The following PIP4P2 variants were observed in gnomAD, a reference collection of about 807,000 sequenced individuals.
PIP4P2 encodes type 2 phosphatidylinositol 4,5-bisphosphate 4-phosphatase.
A neutral mutation model predicts 33.3 loss-of-function variants in PIP4P2; 19 were observed. The observed-to-expected ratio is 0.57, with a 90% CI of 0.40 to 0.84. The LOEUF is 0.84. Among genes scored for constraint, PIP4P2 ranks in the 40% least tolerant of loss-of-function variants. The pLI is 0.00. For synonymous variants in PIP4P2, 110 were observed against 111.9 expected (o/e 0.98, Z 0.11); for missense variants, 270 against 324.7 (o/e 0.83, Z 1.29).
intron 4 of PIP4P2, among the ~76,000 whole-genome samples, chr8:91,014,281 G>C (rs1401359184): frequency 6.6e-6 from 1 of 152,070 alleles, no homozygotes; most frequent in Non-Finnish European, 1.5e-5. Context: ...GATAAAGCAG[G>C]AGTATCACAA....
At chr8:91,030,721 TAC>T (rs1812151393) in intron 1 of PIP4P2, among the ~76,000 whole-genome samples, 1 of 152,190 alleles carries the variant, frequency 6.6e-6, no homozygotes, top group Non-Finnish European at 1.5e-5. Flanking sequence ...ACAGGTAATA[TAC>T]ACATATACAT....
At position 91,031,235 on chromosome 8, in the gene PIP4P2, T is replaced by C. The variant is rs115128131; in HGVS notation, c.106+9409A>G. Among the ~76,000 whole-genome samples the C allele has an allele frequency of 2.9e-3, 445 of 152,302 alleles. 2 individuals are homozygous for C. The highest frequency in any genetic ancestry group is 0.01 in the African/African-American group (436 of 41,554). ...TCTATAAACTTGGAAAATGCTTTTG[T>C]TACAAAACTTTAAAATAACTTTATA... On this transcript the variant is annotated intron_variant, in intron 1 of 6. Coordinates refer to ENST00000285419, the MANE Select transcript of PIP4P2 (RefSeq NM_018710.3).
chr8:91,009,289 T>C (rs1811801122), intron 4 of PIP4P2, among the ~76,000 whole-genome samples: 2 of 152,064 alleles, frequency 1.3e-5, no homozygotes, highest in South Asian at 2.1e-4. Context: ...TCATTGCTTA[T>C]ACAATATAAC....
chr8:91,032,562 T>C (rs957880402), intron 1 of PIP4P2, among the ~76,000 whole-genome samples: 5 of 151,926 alleles, frequency 3.3e-5, no homozygotes, highest in African/African-American at 4.8e-5. Flanking sequence ...GGGTGGATCA[T>C]TTGAGGTCAG....
In PIP4P2 at chr8:91,032,780, CAAA is replaced by C. The variant is rs34482470; in HGVS notation, c.106+7861_106+7863del. The stretch of plus-strand genomic sequence containing the variant: ...TGGGCAACAGAGTGAGAGTCTGTCT[CAAA>C]AAAAAAAAAAAAAAAAAAGAAAGAA... On this transcript the variant is annotated intron_variant, in intron 1 of 6. Coordinates refer to ENST00000285419, the MANE Select transcript of PIP4P2 (RefSeq NM_018710.3). 1.7e-3 allele frequency among the ~76,000 whole-genome samples: 169 copies of C among 98,738 alleles called. No homozygotes were observed. In the East Asian group the frequency reaches 0.021, roughly 12 times the overall value. The allele number at this position is 98,738 out of a possible 152,430, so 64.8% of individuals were successfully genotyped here.
intron 1 of PIP4P2, among the ~76,000 whole-genome samples, chr8:91,030,780 A>C (rs1020006166): frequency 1.3e-5 from 2 of 152,204 alleles, no homozygotes; most frequent in African/African-American, 4.8e-5. Flanking sequence ...ATGACTTATA[A>C]ACTATTCTTC....
At chr8:90,999,548 G>C (rs533625089) in intron 5 of PIP4P2, among the ~76,000 whole-genome samples, 2 of 151,922 alleles carry the variant, frequency 1.3e-5, no homozygotes, top group Non-Finnish European at 2.9e-5. Context: ...CATCACTTTT[G>C]TTCACATTCC....
chr8:91,013,956 T>A (rs1021666930), intron 4 of PIP4P2, among the ~76,000 whole-genome samples: 1 of 152,196 alleles, frequency 6.6e-6, no homozygotes, highest in Non-Finnish European at 1.5e-5. Context: ...CATATCCTAC[T>A]AAATCAGAAA....
In PIP4P2 at chr8:90,994,617, CTTT is replaced by C. The variant is rs1811604462; in HGVS notation, c.*1057_*1059del. 1 of 152,410 alleles carries C rather than the reference CTTT, an allele frequency of 6.6e-6. No homozygotes were observed. The allele number at this position is 152,410 out of a possible 1,614,324, so 9.4% of individuals were successfully genotyped here. ...TGAATTCTTAGAAAATTATGTTGTT[CTTT>C]ATTTCTGATCTATTTTCTTGAATAA... On this transcript the variant is annotated 3_prime_UTR_variant, in exon 7 of 7. Coordinates refer to ENST00000285419, the MANE Select transcript of PIP4P2 (RefSeq NM_018710.3).
intron 1 of PIP4P2, among the ~76,000 whole-genome samples, chr8:91,021,852 T>C (rs1173977809): frequency 4.6e-5 from 7 of 152,184 alleles, no homozygotes; most frequent in Non-Finnish European, 7.3e-5. Flanking sequence ...GCTGTCATGC[T>C]CTGTCTTTAT....
chr8:91,022,896 G>C (rs1412029644), intron 1 of PIP4P2, among the ~76,000 whole-genome samples: 1 of 152,112 alleles, frequency 6.6e-6, no homozygotes, highest in Admixed American at 6.6e-5. Context: ...TTATGTTTCT[G>C]GGAGGCTTAT....
Position 90,995,732 on chromosome 8 carries a change from C to T in PIP4P2, c.719G>A (p.Arg240Gln), listed in dbSNP as rs760280663. 1.2e-5 allele frequency: 20 copies of T among 1,613,228 alleles called. No homozygotes were observed. Among genetic ancestry groups the T allele is most frequent in the Non-Finnish European group, 1.5e-5 (18 of 1,179,572 alleles). Residue 240 changes from arginine (R) to glutamine (Q), a missense_variant, in exon 7 of 7, where the codon CGA (arginine) becomes CAA (glutamine). Arg to Gln is a conservative substitution (Grantham distance 43). Coordinates refer to ENST00000285419, the MANE Select transcript of PIP4P2 (RefSeq NM_018710.3). ...AYLLGLICLI[R>Q]ACYWGAIRVS... ...TCTTATGGCTCCCCAATAACAAGCT[C>T]GGATAAGGCAGATCAATCCTAGGAG...
chr8:90,995,916 T>C (rs1811622893), intron 6 of PIP4P2, 96 bp from the exon 7 acceptor site: 3 of 1,347,264 alleles, frequency 2.2e-6, no homozygotes, highest in Non-Finnish European at 3.0e-6. Context: ...TGTTATGAAA[T>C]ATACCCCCAG....
At chr8:91,031,926 G>A (rs538559977) in intron 1 of PIP4P2, among the ~76,000 whole-genome samples, 2 of 151,504 alleles carry the variant, frequency 1.3e-5, no homozygotes, top group East Asian at 3.9e-4. Flanking sequence ...AAAAGCCAAA[G>A]GTAAATTTAT....
At chr8:91,023,869 C>G (rs191482096) in intron 1 of PIP4P2, among the ~76,000 whole-genome samples, 12 of 151,920 alleles carry the variant, frequency 7.9e-5, no homozygotes, top group African/African-American at 2.7e-4. Context: ...AAAATAACAC[C>G]AAGTATTAGG....
chr8:90,999,652 A>G (rs1308088351), intron 5 of PIP4P2, among the ~76,000 whole-genome samples: 1 of 152,090 alleles, frequency 6.6e-6, no homozygotes, highest in Non-Finnish European at 1.5e-5. Flanking sequence ...GAGGTCTACT[A>G]ATAAAAGGAA....
intron 1 of PIP4P2, among the ~76,000 whole-genome samples, chr8:91,039,411 T>C (rs373816397): frequency 3.3e-5 from 5 of 152,306 alleles, no homozygotes; most frequent in African/African-American, 1.2e-4. Context: ...TTTCCTTTGT[T>C]TTTCTTCTTG....
chr8:91,040,622 G>C lies in PIP4P2; in HGVS notation c.106+22C>G, dbSNP rs191234742. ...TGCAAATCTACTTCCTTGCAAAGTA[G>C]AGGGATCTACGCTGGCCTTACCTCT... is the stretch of plus-strand genomic sequence containing the variant. On this transcript the variant is annotated intron_variant, in intron 1 of 6. Transcript: ENST00000285419. 3.0e-5 allele frequency: 48 copies of C among 1,613,024 alleles called. No individual in the cohort carries two copies. In the African/African-American group the frequency reaches 6.0e-4, roughly 20 times the overall value.
intron 4 of PIP4P2, among the ~76,000 whole-genome samples, chr8:91,010,145 T>C (rs527699241): frequency 1.5e-3 from 225 of 152,074 alleles, no homozygotes; most frequent in Middle Eastern, 6.8e-3. Flanking sequence ...GATATTAATA[T>C]AGATTTCTAC....
Sources: gnomAD v4.1 joint callset for allele counts (sites outside exome capture counted in the v4.1 genomes callset) on GRCh38, gnomAD v4.1.1 for gene constraint, MANE v1.5 for transcripts, NCBI Gene and HGNC (gene_info 2026-07-23, HGNC 2026-07-21) for gene names.